Variants in FOXP1 observed in about 807,000 individuals in gnomAD.
The protein encoded by FOXP1 is forkhead box protein P1.
A neutral mutation model predicts 98.2 loss-of-function variants in FOXP1; 15 were observed. That is an observed-to-expected ratio of 0.15 (90% CI 0.10 to 0.24). The LOEUF (loss-of-function observed/expected upper bound fraction) is 0.24, where lower values mean the gene tolerates loss of function less well. Ranked by LOEUF, FOXP1 falls within the 10% of genes least tolerant of loss-of-function variation. The pLI is 1.00. For synonymous variants in FOXP1, 371 were observed against 314.5 expected (o/e 1.18, Z -1.90); for missense variants, 633 against 848.5 (o/e 0.75, Z 3.15).
chr3:71,398,646 G>A (rs769170458), intron 3 of FOXP1, among the ~76,000 whole-genome samples: 8 of 152,052 alleles, frequency 5.3e-5, no homozygotes, highest in Non-Finnish European at 8.8e-5. Context: ...TCACTCAATT[G>A]TGCCTTCTGT....
intron 2 of FOXP1, among the ~76,000 whole-genome samples, chr3:71,549,592 C>G (rs891852454): frequency 1.1e-4 from 17 of 152,134 alleles, no homozygotes; most frequent in Non-Finnish European, 2.1e-4. Context: ...ACAGGCTGGT[C>G]TTGAACTTCT....
At chr3:71,510,157 GA>G (rs2042100710) in intron 2 of FOXP1, among the ~76,000 whole-genome samples, 1 of 151,318 alleles carries the variant, frequency 6.6e-6, no homozygotes, top group African/African-American at 2.4e-5. Context: ...CTCCAGCCCG[GA>G]CAACACAGCA....
chr3:71,244,825 A>G (rs1380371209), intron 5 of FOXP1: 2 of 152,136 alleles, frequency 1.3e-5, no homozygotes, highest in Admixed American at 1.3e-4. Flanking sequence ...TTGAGTGACA[A>G]AGGTCCCAGG....
At chr3:71,177,924 C>G (rs1170676072) in intron 6 of FOXP1, among the ~76,000 whole-genome samples, 2 of 148,122 alleles carry the variant, frequency 1.4e-5, no homozygotes, top group African/African-American at 5.0e-5. Flanking sequence ...TCACTGCAGC[C>G]TTGACCTCCC....
intron 6 of FOXP1, among the ~76,000 whole-genome samples, chr3:71,189,503 T>C (rs1457243967): frequency 6.6e-6 from 1 of 152,232 alleles, no homozygotes; most frequent in Non-Finnish European, 1.5e-5. Context: ...AAAAATGACT[T>C]TTTCAAAATA....
intron 9 of FOXP1, among the ~76,000 whole-genome samples, chr3:71,050,127 C>T (rs1007699556): frequency 6.6e-6 from 1 of 152,188 alleles, no homozygotes; most frequent in Admixed American, 6.5e-5. Context: ...CCTACACTCC[C>T]CACCCCCTGC....
intron 6 of FOXP1, 157 bp downstream of exon 6, chr3:71,198,045 G>C (rs2063401040): frequency 6.2e-7 from 1 of 1,614,268 alleles, no homozygotes; most frequent in African/African-American, 1.3e-5. Context: ...GACTCCTAGA[G>C]GGCTGATGGT....
intron 5 of FOXP1, among the ~76,000 whole-genome samples, chr3:71,265,536 T>G (rs1048391000): frequency 2.0e-5 from 3 of 152,222 alleles, no homozygotes; most frequent in Non-Finnish European, 2.9e-5. Context: ...AACAGCCAGA[T>G]GTGAGACAAA....
At chr3:71,309,390 T>C (rs146774786) in intron 4 of FOXP1, among the ~76,000 whole-genome samples, 2 of 143,128 alleles carry the variant, frequency 1.4e-5, no homozygotes, top group Admixed American at 6.7e-5. Flanking sequence ...GTTTATAACG[T>C]AATTTTTTTT....
intron 7 of FOXP1, among the ~76,000 whole-genome samples, chr3:71,077,784 T>TC (rs1158769557): frequency 5.3e-5 from 8 of 151,988 alleles, no homozygotes; most frequent in Non-Finnish European, 1.2e-4. Context: ...TTTGCCTTAC[T>TC]CCCCTCTCAC....
At chr3:71,162,236 G>A (rs1052783591) in intron 6 of FOXP1, among the ~76,000 whole-genome samples, 1 of 152,188 alleles carries the variant, frequency 6.6e-6, no homozygotes, top group Admixed American at 6.5e-5. Flanking sequence ...CCATTAGCAA[G>A]CCATTATTTG....
At chr3:70,972,513 C>G in intron 18 of FOXP1, 42 bp downstream of exon 18, 1 of 1,613,712 alleles carries the variant, frequency 6.2e-7, no homozygotes, top group Non-Finnish European at 8.5e-7. Context: ...CTTGTTAGCA[C>G]AATCCAAGCT....
At position 70,959,123 on chromosome 3, in the gene FOXP1, A is replaced by G; in HGVS notation, c.*124T>C. Reference sequence around the variant, plus strand: ...GAGTTAACACATTTCAGAGTTGTCAAAACGTAGTGAAAATCCTCCAGACTG... The same window carrying G: ...GAGTTAACACATTTCAGAGTTGTCAGAACGTAGTGAAAATCCTCCAGACTG... On this transcript the variant is annotated 3_prime_UTR_variant, in exon 21 of 21. Coordinates refer to ENST00000649528, the MANE Select transcript of FOXP1 (RefSeq NM_001349338.3). 1 of 1,132,964 alleles carries G rather than the reference A, an allele frequency of 8.8e-7. No homozygotes were observed. The highest frequency in any genetic ancestry group is 1.3e-5 in the South Asian group (1 of 76,112). 70.2% of individuals were successfully genotyped at this position (1,132,964 alleles called of 1,614,324 possible). A position where few individuals can be genotyped will look rare whatever the true frequency, so the allele number is the denominator to read the frequency against.
At position 71,576,927 on chromosome 3, in the gene FOXP1, C is replaced by T. The variant is rs113457671; in HGVS notation, c.-298+4622G>A. ...ACTCTAAGTCCCATAAAATAACTAC[C>T]GAACAAACACCTGTTGTGTACAAGG... On this transcript the variant is annotated intron_variant, in intron 2 of 20. Transcript: ENST00000649528. 5.2e-3 allele frequency among the ~76,000 whole-genome samples: 785 copies of T among 152,220 alleles called. 5 individuals carry two copies. The highest frequency in any genetic ancestry group is 0.016 in the African/African-American group (682 of 41,526).
chr3:71,216,932 G>C (rs2064983295), intron 5 of FOXP1, among the ~76,000 whole-genome samples: 1 of 152,148 alleles, frequency 6.6e-6, no homozygotes, highest in South Asian at 2.1e-4. Flanking sequence ...GGGAGAGGCT[G>C]GGGATGCTGT....
intron 6 of FOXP1, among the ~76,000 whole-genome samples, chr3:71,192,604 T>C (rs562622906): frequency 1.1e-4 from 16 of 152,366 alleles, no homozygotes; most frequent in African/African-American, 3.4e-4. Flanking sequence ...AGGGATGGAT[T>C]TTGCCATTTT....
intron 2 of FOXP1, among the ~76,000 whole-genome samples, chr3:71,527,080 T>C (rs1437592522): frequency 1.3e-5 from 2 of 151,844 alleles, no homozygotes; most frequent in East Asian, 3.9e-4. Context: ...CTTCTTCCTC[T>C]AGGCTGATGC....
chr3:71,128,078 T>C lies in FOXP1; in HGVS notation c.181-15441A>G, dbSNP rs150344092. ...TTTCAATTCACATTCCAAAACAGTA[T>C]AGGCAATGAAACAGATTTTCAGTTG... On this transcript the variant is annotated intron_variant, in intron 6 of 20. Transcript: ENST00000649528. 2.4e-3 allele frequency among the ~76,000 whole-genome samples: 370 copies of C among 152,304 alleles called. 1 individual carries two copies. The highest frequency in any genetic ancestry group is 4.0e-3 in the Non-Finnish European group (272 of 68,028).
At position 70,957,780 on chromosome 3, in the gene FOXP1, A is replaced by C. The variant is rs1029119948; in HGVS notation, c.*1467T>G. ...TACTGGGTTGGTGATATAATATTGC[A>C]TAACAAACTGCAGTACCAAATTTGC... On this transcript the variant is annotated 3_prime_UTR_variant, in exon 21 of 21. Coordinates refer to ENST00000649528, the MANE Select transcript of FOXP1 (RefSeq NM_001349338.3). 2 of 233,950 alleles carry C rather than the reference A, an allele frequency of 8.5e-6. No individual in the cohort carries two copies. Among genetic ancestry groups the C allele is most frequent in the Admixed American group, 1.1e-4 (2 of 17,826 alleles). The allele number at this position is 233,950 out of a possible 1,614,324, so 14.5% of individuals were successfully genotyped here. A position where few individuals can be genotyped will look rare whatever the true frequency, so the allele number is the denominator to read the frequency against.
Sources: allele counts gnomAD v4.1 joint callset (sites outside exome capture counted in the v4.1 genomes callset), GRCh38; gene constraint gnomAD v4.1.1; transcripts MANE v1.5; gene names NCBI Gene and HGNC (gene_info 2026-07-23, HGNC 2026-07-21).